ASB1: variants seen among roughly 807,000 people sequenced by gnomAD.
The protein encoded by ASB1 is ankyrin repeat and SOCS box containing 1.
ASB1 carries 18 observed loss-of-function variants against 27.7 expected under a neutral mutation model. The observed-to-expected ratio is 0.65, with a 90% CI of 0.45 to 0.96. The LOEUF is 0.96. ASB1 is among the 50% of genes least tolerant of loss of function. The pLI, the probability that ASB1 is intolerant of heterozygous loss-of-function variation, is 0.00. For synonymous variants in ASB1, 189 were observed against 187.6 expected, an observed-to-expected ratio of 1.01 and a Z score of -0.06; for missense variants, 397 against 451.7, an observed-to-expected ratio of 0.88 and a Z score of 1.10.
intron 1 of ASB1, among the ~76,000 whole-genome samples, chr2:238,433,115 T>A (rs1378905448): frequency 2.0e-5 from 3 of 152,226 alleles, no homozygotes; most frequent in Non-Finnish European, 4.4e-5. Flanking sequence ...GTGGATTCTT[T>A]GACACAATAT....
chr2:238,431,957 A>C (rs1041953028), intron 1 of ASB1, among the ~76,000 whole-genome samples: 2 of 152,252 alleles, frequency 1.3e-5, no homozygotes, highest in Non-Finnish European at 2.9e-5. Flanking sequence ...AAGACACAAA[A>C]TGGACACATC....
chr2:238,452,234 C>A lies in ASB1; in HGVS notation c.*5723C>A, dbSNP rs745570796. On this transcript the variant is annotated 3_prime_UTR_variant, in exon 5 of 5. Coordinates refer to ENST00000264607, the MANE Select transcript of ASB1 (RefSeq NM_001040445.3). The stretch of plus-strand genomic sequence containing the variant: ...AATGAACGAATTAAATAAAGACATG[C>A]ATCCATCTGTCAGCGACTCCTTGTG... 6.6e-6 allele frequency: 1 copy of A among 152,192 alleles called. No individual in the cohort carries two copies. Among genetic ancestry groups the A allele is most frequent in the East Asian group, 1.9e-4 (1 of 5,196 alleles). 9.4% of individuals were successfully genotyped at this position (152,192 alleles called of 1,614,324 possible). A position where few individuals can be genotyped will look rare whatever the true frequency, so the allele number is the denominator to read the frequency against.
Position 238,444,556 on chromosome 2 carries a change from G to A in ASB1, c.709G>A (p.Gly237Arg), listed in dbSNP as rs1702140831. 5 of 1,614,198 alleles carry A rather than the reference G, an allele frequency of 3.1e-6. No individual in the cohort carries two copies. In the East Asian group the frequency reaches 1.1e-4, roughly 36 times the overall value. Reference sequence around the variant, plus strand: ...ACAGGGATTCTACAGGGGCTCCCCTGGGTGCGTCATGGATGCTGTTCTGCG... The same window carrying A: ...ACAGGGATTCTACAGGGGCTCCCCTAGGTGCGTCATGGATGCTGTTCTGCG... ...NTQGFYRGSP[G>R]CVMDAVLRHG... Residue 237 changes from glycine to arginine, a missense_variant, in exon 4 of 5, where the codon GGG (glycine) becomes AGG (arginine). Physicochemically the swap from Gly to Arg is moderately radical, Grantham distance 125. Transcript: ENST00000264607.
chr2:238,445,063 C>CCATGACCT (rs1158777186), intron 4 of ASB1, among the ~76,000 whole-genome samples: 2 of 149,208 alleles, frequency 1.3e-5, no homozygotes, highest in Non-Finnish European at 3.0e-5. Context: ...CTCCCTGTAG[C>CCATGACCT]CATGACCTCC....
intron 1 of ASB1, 51 bp from the exon 2 acceptor site, chr2:238,433,503 A>C: frequency 6.3e-7 from 1 of 1,595,294 alleles, no homozygotes; most frequent in Non-Finnish European, 8.6e-7. Flanking sequence ...CCTTTTGGTT[A>C]GTCTTGGCAG....
rs1702137134 is a variant in ASB1, at chr2:238,444,414, C to T, written c.567C>T (p.Thr189=). 2.5e-6 allele frequency: 4 copies of T among 1,613,846 alleles called. No individual in the cohort carries two copies. Among genetic ancestry groups the T allele is most frequent in the Non-Finnish European group, 2.5e-6 (3 of 1,179,802 alleles). ...DVQPRFSRRL[T]SLVVCPLYIS... ...AGCCTCGATTCTCCCGGCGGCTCAC[C>T]TCCTTGGTGGTCTGCCCCTTGTACA... is the stretch of plus-strand genomic sequence containing the variant. The change falls in exon 4 of 5, where the codon ACC becomes ACT. Residue 189 remains threonine, a synonymous_variant. Transcript: ENST00000264607.
chr2:238,434,037 C>T (rs1368395992), intron 2 of ASB1, among the ~76,000 whole-genome samples: 3 of 152,210 alleles, frequency 2.0e-5, no homozygotes, highest in South Asian at 4.1e-4. Flanking sequence ...TTGGGTTTCT[C>T]GTGGCTCTTA....
Position 238,430,822 on chromosome 2 carries a change from A to G in ASB1, c.50-2732A>G, listed in dbSNP as rs1233495574. Among the ~76,000 whole-genome samples the G allele has an allele frequency of 3.3e-5, 5 of 152,062 alleles. No homozygotes were observed. The East Asian group carries it at 7.7e-4, about 23-fold the overall frequency. On this transcript the variant is annotated intron_variant, in intron 1 of 4. Transcript: ENST00000264607. Reference sequence around the variant, plus strand: ...CATGAGAGCTCTTCGGTGACTAGGCATATTGTCAGCGAGCAGTAGTATTTT... The same window carrying G: ...CATGAGAGCTCTTCGGTGACTAGGCGTATTGTCAGCGAGCAGTAGTATTTT...
chr2:238,452,216 G>A lies in ASB1; in HGVS notation c.*5705G>A, dbSNP rs1289893445. ...GATGTGGGATGAACCTGGAATGAACGAATTAAATAAAGACATGCATCCATC... is the reference window on the plus strand; with the variant it reads ...GATGTGGGATGAACCTGGAATGAACAAATTAAATAAAGACATGCATCCATC... On this transcript the variant is annotated 3_prime_UTR_variant, in exon 5 of 5. Transcript: ENST00000264607. The A allele has an allele frequency of 1.3e-5, 2 of 152,168 alleles. No individual in the cohort carries two copies. Among genetic ancestry groups the A allele is most frequent in the Non-Finnish European group, 2.9e-5 (2 of 68,026 alleles). 9.4% of individuals were successfully genotyped at this position (152,168 alleles called of 1,614,324 possible). A position where few individuals can be genotyped will look rare whatever the true frequency, so the allele number is the denominator to read the frequency against.
rs563599917 is a variant in ASB1 at position 238,451,130 on chromosome 2, G to A, written c.*4619G>A. ...AGATGTGTACATGATGCACGTGGGT[G>A]GGATTCACATCCCAGGAGAATTCCA... is the stretch of plus-strand genomic sequence containing the variant. On this transcript the variant is annotated 3_prime_UTR_variant, in exon 5 of 5. Transcript: ENST00000264607. 1 of 150,880 alleles carries A rather than the reference G, an allele frequency of 6.6e-6. No individual in the cohort carries two copies. Among genetic ancestry groups the A allele is most frequent in the African/African-American group, 2.4e-5 (1 of 41,432 alleles). 9.3% of individuals were successfully genotyped at this position (150,880 alleles called of 1,614,324 possible). A position where few individuals can be genotyped will look rare whatever the true frequency, so the allele number is the denominator to read the frequency against.
intron 1 of ASB1, among the ~76,000 whole-genome samples, chr2:238,432,878 CTGGGA>C (rs2106403399): frequency 6.6e-6 from 1 of 152,228 alleles, no homozygotes; most frequent in East Asian, 1.9e-4. Flanking sequence ...TCCTGAGTAG[CTGGGA>C]CTACAGGTGC....
At chr2:238,432,712 C>T (rs564222807) in intron 1 of ASB1, among the ~76,000 whole-genome samples, 1 of 152,134 alleles carries the variant, frequency 6.6e-6, no homozygotes, top group East Asian at 1.9e-4. Flanking sequence ...TTCTTTGATA[C>T]AATATTGATT....
intron 3 of ASB1, among the ~76,000 whole-genome samples, chr2:238,442,273 G>A (rs1325283161): frequency 1.3e-5 from 2 of 151,938 alleles, no homozygotes; most frequent in Non-Finnish European, 2.9e-5. Context: ...ACCCACACCC[G>A]GCTAATTTTT....
In ASB1 at chr2:238,427,043, A is replaced by C. The variant is rs1559410723; in HGVS notation, c.-28A>C. Reference sequence around the variant, plus strand: ...CCTGCCCGAGGGGCGTGCGCGGGTCAGGGGCGGCCGCGGAGGCGGAAGCAT... The same window carrying C: ...CCTGCCCGAGGGGCGTGCGCGGGTCCGGGGCGGCCGCGGAGGCGGAAGCAT... On this transcript the variant is annotated 5_prime_UTR_variant, in exon 1 of 5. Coordinates refer to ENST00000264607, the MANE Select transcript of ASB1 (RefSeq NM_001040445.3). The C allele has an allele frequency of 2.4e-6, 3 of 1,257,238 alleles. No homozygotes were observed. The highest frequency in any genetic ancestry group is 1.6e-5 in the African/African-American group (1 of 64,404). The allele number at this position is 1,257,238 out of a possible 1,614,324, so 77.9% of individuals were successfully genotyped here. A position where few individuals can be genotyped will look rare whatever the true frequency, so the allele number is the denominator to read the frequency against.
intron 3 of ASB1, among the ~76,000 whole-genome samples, chr2:238,436,419 G>A (rs1013826682): frequency 1.3e-5 from 2 of 151,968 alleles, no homozygotes; most frequent in African/African-American, 4.8e-5. Context: ...AATGCTTTTT[G>A]TTGTATTATG....
In ASB1 at chr2:238,433,648, G is replaced by T. The variant is rs369399896; in HGVS notation, c.144G>T (p.Gly48=). 1 of 1,613,972 alleles carries T rather than the reference G, an allele frequency of 6.2e-7. No homozygotes were observed. The highest frequency in any genetic ancestry group is 1.3e-5 in the African/African-American group (1 of 74,916). ...GGCTCCATGATGCAGCTTACGTCGG[G>T]GACCTCCAGACCCTCAGGAGCCTAT... ...DTRLHDAAYV[G]DLQTLRSLLQ... is the part of the protein sequence containing the mutation. Residue 48 remains glycine (G), a synonymous_variant, in exon 2 of 5, where the codon GGG becomes GGT. Coordinates refer to ENST00000264607, the MANE Select transcript of ASB1 (RefSeq NM_001040445.3).
chr2:238,443,260 G>A (rs1183885261), intron 3 of ASB1, among the ~76,000 whole-genome samples: 1 of 151,922 alleles, frequency 6.6e-6, no homozygotes, highest in Non-Finnish European at 1.5e-5. Flanking sequence ...GCAAATTTTG[G>A]ACATTTATTA....
chr2:238,434,133 C>T (rs1446281160), intron 2 of ASB1, among the ~76,000 whole-genome samples: 2 of 152,230 alleles, frequency 1.3e-5, no homozygotes, highest in African/African-American at 2.4e-5. Context: ...CAGTCATCTG[C>T]CCCCGGGACC....
At chr2:238,429,628 A>G (rs1701828202) in intron 1 of ASB1, among the ~76,000 whole-genome samples, 1 of 152,154 alleles carries the variant, frequency 6.6e-6, no homozygotes, top group South Asian at 2.1e-4. Context: ...ACATGATACT[A>G]TGATCTATTA....
Sources: gnomAD v4.1 joint callset for allele counts (sites outside exome capture counted in the v4.1 genomes callset) on GRCh38, gnomAD v4.1.1 for gene constraint, MANE v1.5 for transcripts, NCBI Gene and HGNC (gene_info 2026-07-23, HGNC 2026-07-21) for gene names.